LRRC36: variants seen among roughly 807,000 people sequenced by gnomAD.
LRRC36 encodes the protein leucine-rich repeat-containing protein 36.
A neutral mutation model predicts 81.1 loss-of-function variants in LRRC36; 62 were observed. The ratio of observed to expected loss-of-function variants is 0.76; its 90% CI spans 0.62 to 0.94. The LOEUF (loss-of-function observed/expected upper bound fraction) is 0.94, where lower values mean the gene tolerates loss of function less well. Among genes scored for constraint, LRRC36 ranks in the 40% least tolerant of loss-of-function variants. LRRC36 has a pLI of 0.00. For missense variants in LRRC36, 761 were observed against 881.7 expected (o/e 0.86, Z 1.73); for synonymous variants, 334 against 348.6 (o/e 0.96, Z 0.47).
chr16:67,363,227 T>A (rs1406727251), intron 5 of LRRC36, among the ~76,000 whole-genome samples: 1 of 152,192 alleles, frequency 6.6e-6, no homozygotes, highest in Non-Finnish European at 1.5e-5. Flanking sequence ...TAGTTGGAGA[T>A]TATGGAATTG....
chr16:67,384,434 C>A (rs1037508816), intron 13 of LRRC36, among the ~76,000 whole-genome samples: 1 of 150,696 alleles, frequency 6.6e-6, no homozygotes, highest in African/African-American at 2.4e-5. Context: ...AACTCTATCT[C>A]GAAAAAAAAA....
intron 13 of LRRC36, among the ~76,000 whole-genome samples, chr16:67,382,502 G>A (rs772242190): frequency 6.6e-6 from 1 of 152,148 alleles, no homozygotes; most frequent in African/African-American, 2.4e-5. Context: ...GGATCTGATG[G>A]GACCTTTGTT....
At chr16:67,382,039 C>T (rs2040129771) in intron 12 of LRRC36, 94 bp from the exon 13 acceptor site, 1 of 823,818 alleles carries the variant, frequency 1.2e-6, no homozygotes, top group Non-Finnish European at 2.0e-6. Flanking sequence ...CATGGGGCCC[C>T]CAGTTCTCAA....
chr16:67,382,942 G>A (rs72798032), intron 13 of LRRC36, among the ~76,000 whole-genome samples: 6,542 of 152,140 alleles, frequency 0.043, 200 homozygotes, highest in South Asian at 0.072. Flanking sequence ...AGTTTAAGGC[G>A]CGTGCCTGTA....
chr16:67,350,226 CTG>C lies in LRRC36; in HGVS notation c.517_518del (p.Val173AsnfsTer3). On this transcript the variant is annotated frameshift_variant, in exon 5 of 14. Coordinates refer to ENST00000329956, the MANE Select transcript of LRRC36 (RefSeq NM_018296.6). LOFTEE classifies it high-confidence loss of function. ...KSSREKTMKN[C>X]VTGESSASKV... The stretch of plus-strand genomic sequence containing the variant: ...GCTCTAGGGAGAAGACAATGAAAAA[CTG>C]TGTAACAGGTGAGAGCTCTGCATCA... 2 of 1,602,312 alleles carry C rather than the reference CTG, an allele frequency of 1.2e-6. No homozygotes were observed. Among genetic ancestry groups the C allele is most frequent in the East Asian group, 2.3e-5 (1 of 44,296 alleles).
rs767199064 is a variant in LRRC36, at chr16:67,347,527, G to A, written c.424G>A (p.Ala142Thr). The change falls in exon 4 of 14, where the codon GCT becomes ACT. Residue 142 changes from alanine (A) to threonine (T), a missense_variant. By Grantham distance (58) the Ala-to-Thr change is moderately conservative. This residue lies in a region of LRRC36 where 263 missense variants were observed against 279.3 expected (regional missense o/e 0.94). Transcript: ENST00000329956. ...AACTGTACGTGAAGGTGAGAGAAAAGCTGCCAAGCTGCATTTTAGTCAGTT... is the reference window on the plus strand; with the variant it reads ...AACTGTACGTGAAGGTGAGAGAAAAACTGCCAAGCTGCATTTTAGTCAGTT... Reference protein sequence around the residue: ...DRTVREGERKAAKLHFSQLGN... With the variant: ...DRTVREGERKTAKLHFSQLGN... 2.4e-5 allele frequency: 38 copies of A among 1,613,192 alleles called. No homozygotes were observed. Among genetic ancestry groups the A allele is most frequent in the Admixed American group, 3.3e-5 (2 of 59,978 alleles).
chr16:67,382,074 C>G, intron 12 of LRRC36, 59 bp from the exon 13 acceptor site: 1 of 1,166,668 alleles, frequency 8.6e-7, no homozygotes, highest in Non-Finnish European at 1.3e-6. Flanking sequence ...TACTTATATT[C>G]TGCTCAAAGA....
In LRRC36 at chr16:67,367,296, G is replaced by C; in HGVS notation, c.1034G>C (p.Gly345Ala). 2 of 1,614,156 alleles carry C rather than the reference G, an allele frequency of 1.2e-6. No homozygotes were observed. The highest frequency in any genetic ancestry group is 1.7e-6 in the Non-Finnish European group (2 of 1,180,040). Reference sequence around the variant, plus strand: ...TATTCTCAAACTCTATCCCTGCATGGAAGTCTTGGTAAAAGGCCTCAGAGA... The same window carrying C: ...TATTCTCAAACTCTATCCCTGCATGCAAGTCTTGGTAAAAGGCCTCAGAGA... ...SCYSQTLSLH[G>A]SLGKRPQRSK... The change falls in exon 8 of 14, where the codon GGA becomes GCA. Residue 345 changes from glycine (G) to alanine (A), a missense_variant. Physicochemically the swap from Gly to Ala is moderately conservative, Grantham distance 60 (BLOSUM62 0). Transcript: ENST00000329956.
chr16:67,346,496 C>A (rs755116253), intron 3 of LRRC36, 48 bp downstream of exon 3: 2 of 1,305,052 alleles, frequency 1.5e-6, no homozygotes, highest in Non-Finnish European at 2.1e-6. Context: ...TACTTTAAAT[C>A]AGCTGCCCCT....
chr16:67,333,333 T>C (rs769532079), intron 1 of LRRC36, among the ~76,000 whole-genome samples: 1 of 152,116 alleles, frequency 6.6e-6, no homozygotes, highest in African/African-American at 2.4e-5. Context: ...GGTTTCACCA[T>C]GTTGGCCAGG....
At chr16:67,328,972 T>C (rs2037342062) in intron 1 of LRRC36, among the ~76,000 whole-genome samples, 1 of 152,314 alleles carries the variant, frequency 6.6e-6, no homozygotes, top group African/African-American at 2.4e-5. Context: ...GGCAGTGGCG[T>C]GATCTCGGCT....
chr16:67,374,388 T>A (rs901179744), intron 9 of LRRC36, among the ~76,000 whole-genome samples: 4 of 152,142 alleles, frequency 2.6e-5, no homozygotes, highest in African/African-American at 4.8e-5. Flanking sequence ...TTTAATTTTC[T>A]TCTGAAAATT....
In LRRC36 at chr16:67,341,924, A is replaced by G. The variant is rs928963127; in HGVS notation, c.71-33A>G. The G allele has an allele frequency of 3.2e-6, 5 of 1,586,576 alleles. No individual in the cohort carries two copies. The African/African-American group carries it at 5.4e-5, about 17-fold the overall frequency. ...GACTCTGCTGTTGATCCGAGCAGGG[A>G]TCATAATATATCTACTGATGATCTC... is the stretch of plus-strand genomic sequence containing the variant. On this transcript the variant is annotated intron_variant, in intron 1 of 13. Transcript: ENST00000329956.
chr16:67,332,426 C>T (rs1467819914), intron 1 of LRRC36, among the ~76,000 whole-genome samples: 1 of 151,866 alleles, frequency 6.6e-6, no homozygotes, highest in South Asian at 2.1e-4. Flanking sequence ...TGGTGGTGGG[C>T]GCCTGTAGTC....
intron 1 of LRRC36, among the ~76,000 whole-genome samples, chr16:67,332,663 A>C (rs1353851217): frequency 6.6e-6 from 1 of 152,196 alleles, no homozygotes; most frequent in Non-Finnish European, 1.5e-5. Flanking sequence ...GCAGTTTATC[A>C]TTTTAATAAT....
intron 5 of LRRC36, among the ~76,000 whole-genome samples, chr16:67,354,008 AC>A (rs933219338): frequency 9.2e-5 from 14 of 152,114 alleles, no homozygotes; most frequent in African/African-American, 3.1e-4. Flanking sequence ...CCACTCCCCT[AC>A]TAAATTAAGT....
chr16:67,370,740 C>G (rs1403667595), intron 8 of LRRC36, among the ~76,000 whole-genome samples: 1 of 151,528 alleles, frequency 6.6e-6, no homozygotes, highest in Non-Finnish European at 1.5e-5. Context: ...GCGTTTTTTT[C>G]TCCAGCTATG....
intron 5 of LRRC36, chr16:67,362,328 A>G: frequency 3.1e-6 from 1 of 318,580 alleles, no homozygotes; most frequent in Non-Finnish European, 6.3e-6. Flanking sequence ...ACGCCCAGCT[A>G]ATTTTTGTAT....
chr16:67,336,922 C>A (rs1164807303), intron 1 of LRRC36, among the ~76,000 whole-genome samples: 1 of 152,040 alleles, frequency 6.6e-6, no homozygotes, highest in Non-Finnish European at 1.5e-5. Context: ...GCTGTGCCAC[C>A]ACACCCGGCT....
Sources: allele counts gnomAD v4.1 joint callset (sites outside exome capture counted in the v4.1 genomes callset), GRCh38; gene constraint gnomAD v4.1.1; regional missense constraint gnomAD v4.1.1; transcripts MANE v1.5; gene names NCBI Gene and HGNC (gene_info 2026-07-23, HGNC 2026-07-21).